Variants in VTI1A observed in about 807,000 individuals in gnomAD.
VTI1A encodes vesicle transport through interaction with t-SNAREs 1A.
In VTI1A, 22 loss-of-function variants were observed where a neutral mutation model predicts 34.9. The observed-to-expected ratio is 0.63, with a 90% confidence interval of 0.45 to 0.90. VTI1A has a LOEUF of 0.90. VTI1A is among the 40% of genes least tolerant of loss of function. VTI1A has a pLI of 0.00. For synonymous variants in VTI1A, 87 were observed against 97.3 expected, an observed-to-expected ratio of 0.89 and a Z score of 0.62; for missense variants, 268 against 275.6, an observed-to-expected ratio of 0.97 and a Z score of 0.20.
At chr10:112,747,016 C>G (rs1215850259) in intron 7 of VTI1A, among the ~76,000 whole-genome samples, 2 of 152,214 alleles carry the variant, frequency 1.3e-5, no homozygotes, top group East Asian at 3.9e-4. Flanking sequence ...GATCCAGTCA[C>G]TTACCCAGCG....
chr10:112,597,443 C>G (rs1844698975), intron 5 of VTI1A, among the ~76,000 whole-genome samples: 1 of 152,162 alleles, frequency 6.6e-6, no homozygotes, highest in Non-Finnish European at 1.5e-5. Flanking sequence ...GTCTCGAACT[C>G]CCGACCGCAG....
intron 7 of VTI1A, among the ~76,000 whole-genome samples, chr10:112,732,197 C>G (rs747953109): frequency 6.6e-6 from 1 of 152,154 alleles, no homozygotes; most frequent in Non-Finnish European, 1.5e-5. Flanking sequence ...GAGAAGGCAT[C>G]TAGCTACAGA....
chr10:112,668,084 A>G (rs1228804643), intron 5 of VTI1A, 134 bp from the exon 6 acceptor site: 1 of 630,918 alleles, frequency 1.6e-6, no homozygotes, highest in Non-Finnish European at 2.8e-6. Context: ...TTTCAAATAC[A>G]TGAATTGAAA....
Position 112,527,068 on chromosome 10 carries a change from T to C in VTI1A, c.265-19T>C, listed in dbSNP as rs1159173735. On this transcript the variant is annotated intron_variant, in intron 3 of 7. Coordinates refer to ENST00000393077, the MANE Select transcript of VTI1A (RefSeq NM_145206.4). ...TCTAACGTTCCTCTCACTCTCTCCC[T>C]TTTTGTTTTGTTTTATAGAAAAGGT... 1 of 1,610,102 alleles carries C rather than the reference T, an allele frequency of 6.2e-7. No individual in the cohort carries two copies. Among genetic ancestry groups the C allele is most frequent in the African/African-American group, 1.3e-5 (1 of 74,924 alleles).
At chr10:112,624,368 G>A (rs779813212) in intron 5 of VTI1A, among the ~76,000 whole-genome samples, 66 of 152,186 alleles carry the variant, frequency 4.3e-4, no homozygotes, top group Non-Finnish European at 8.5e-4. Context: ...CTTTGTGGTA[G>A]TGATGTATTT....
At chr10:112,688,328 G>T (rs1056349497) in intron 7 of VTI1A, among the ~76,000 whole-genome samples, 6 of 150,852 alleles carry the variant, frequency 4.0e-5, no homozygotes, top group African/African-American at 7.3e-5. Context: ...TAAAGAAAAG[G>T]AAAAAAAATC....
chr10:112,458,642 A>G (rs899643310), intron 1 of VTI1A, among the ~76,000 whole-genome samples: 9 of 148,930 alleles, frequency 6.0e-5, no homozygotes, highest in African/African-American at 1.0e-4. Flanking sequence ...ATAATTATAT[A>G]TATATTTTTA....
At chr10:112,620,939 C>T (rs141773149) in intron 5 of VTI1A, among the ~76,000 whole-genome samples, 22 of 152,186 alleles carry the variant, frequency 1.4e-4, no homozygotes, top group African/African-American at 4.1e-4. Context: ...CATTCCAGAC[C>T]GGGACTATTG....
chr10:112,640,071 T>C (rs2134662766), intron 5 of VTI1A, among the ~76,000 whole-genome samples: 1 of 152,174 alleles, frequency 6.6e-6, no homozygotes, highest in East Asian at 1.9e-4. Flanking sequence ...AATAGAAATA[T>C]GAAATTATTT....
chr10:112,737,495 T>C (rs1850530022), intron 7 of VTI1A: 1 of 1,051,062 alleles, frequency 9.5e-7, no homozygotes. Context: ...CATCTTCTGT[T>C]CCCTGGGATG....
At chr10:112,849,749 C>G in the VTI1A span, among the ~76,000 whole-genome samples, 1 of 152,294 alleles carries the variant, frequency 6.6e-6, no homozygotes, top group Admixed American at 6.5e-5. Context: ...GCAACTTTTC[C>G]CATCTGCTGC....
chr10:112,835,253 G>A, the VTI1A span, among the ~76,000 whole-genome samples: 22 of 152,072 alleles, frequency 1.4e-4, no homozygotes, highest in Non-Finnish European at 2.9e-4. Context: ...CTCCTCCCCG[G>A]TGGCAGTCAA....
intron 5 of VTI1A, among the ~76,000 whole-genome samples, chr10:112,631,185 G>A (rs932240881): frequency 6.6e-6 from 1 of 152,020 alleles, no homozygotes; most frequent in Non-Finnish European, 1.5e-5. Context: ...CAACTACACT[G>A]GGGAGCTCAA....
chr10:112,645,937 A>G (rs1005422278), intron 5 of VTI1A, among the ~76,000 whole-genome samples: 1 of 116,842 alleles, frequency 8.6e-6, no homozygotes, highest in Non-Finnish European at 1.8e-5. Context: ...ACACCAATAT[A>G]CTGTGTTTTT....
At chr10:112,846,912 C>T in the VTI1A span, among the ~76,000 whole-genome samples, 12 of 152,132 alleles carry the variant, frequency 7.9e-5, no homozygotes, top group African/African-American at 1.4e-4. Context: ...CCAAGATATA[C>T]TTTGGTTCAG....
chr10:112,574,881 A>C (rs2134377178), intron 5 of VTI1A, among the ~76,000 whole-genome samples: 2 of 152,332 alleles, frequency 1.3e-5, no homozygotes, highest in Middle Eastern at 6.8e-3. Flanking sequence ...ACTATTGTTG[A>C]ATTGTTTGAA....
chr10:112,543,306 T>C (rs370391449), intron 5 of VTI1A, among the ~76,000 whole-genome samples: 2 of 152,140 alleles, frequency 1.3e-5, no homozygotes, highest in Non-Finnish European at 2.9e-5. Flanking sequence ...AGTGTAAAAG[T>C]GTTCCTATTT....
chr10:112,625,366 G>A (rs546265405), intron 5 of VTI1A, among the ~76,000 whole-genome samples: 350 of 152,198 alleles, frequency 2.3e-3, no homozygotes, highest in African/African-American at 5.3e-3. Flanking sequence ...GGCCGGGCGC[G>A]GCGGCTTCAC....
intron 5 of VTI1A, among the ~76,000 whole-genome samples, chr10:112,632,590 G>C (rs138821476): frequency 2.4e-3 from 373 of 152,356 alleles, no homozygotes; most frequent in African/African-American, 8.7e-3. Flanking sequence ...GGCAGGGATA[G>C]ACGGGATTCA....
Sources: allele counts gnomAD v4.1 joint callset (sites outside exome capture counted in the v4.1 genomes callset), GRCh38; gene constraint gnomAD v4.1.1; transcripts MANE v1.5; gene names NCBI Gene and HGNC (gene_info 2026-07-23, HGNC 2026-07-21).